The following FGF14 variants were observed in gnomAD, a reference collection of about 807,000 sequenced individuals.
The protein encoded by FGF14 is fibroblast growth factor homologous factor 4.
FGF14 carries 5 observed loss-of-function variants against 25.5 expected under a neutral mutation model. That is an observed-to-expected ratio of 0.20 (90% CI 0.10 to 0.41). FGF14 has a LOEUF of 0.41. FGF14 is among the 10% of genes least tolerant of loss of function. The pLI, the probability that FGF14 is intolerant of heterozygous loss-of-function variation, is 1.00. For missense variants in FGF14, 222 were observed against 320.1 expected (o/e 0.69, Z 2.34); for synonymous variants, 138 against 118.3 (o/e 1.17, Z -1.08).
chr13:102,221,623 A>AACAC lies in FGF14; in HGVS notation c.208+179844_208+179847dup, dbSNP rs34205303. Among the ~76,000 whole-genome samples, 1,246 of 150,090 alleles carry AACAC rather than the reference A, an allele frequency of 8.3e-3. 15 individuals carry two copies. The highest frequency in any genetic ancestry group is 0.059 in the South Asian group (280 of 4,738). Reference sequence around the variant, plus strand: ...ATGAATGACATCACACAAACACACAAACACACACACACACACACACACAGA... The same window carrying AACAC: ...ATGAATGACATCACACAAACACACAAACACACACACACACACACACACACACAGA... On this transcript the variant is annotated intron_variant, in intron 1 of 4. Coordinates refer to the FGF14 transcript ENST00000376131.
intron 3 of FGF14, among the ~76,000 whole-genome samples, chr13:101,780,184 A>C (rs1264865785): frequency 2.6e-5 from 4 of 152,188 alleles, no homozygotes; most frequent in African/African-American, 9.7e-5. Context: ...ATAATTATTA[A>C]TAAGGTTCCC....
intron 1 of FGF14, among the ~76,000 whole-genome samples, chr13:102,099,719 CTATT>C (rs1370238096): frequency 6.6e-6 from 1 of 151,832 alleles, no homozygotes; most frequent in Admixed American, 6.6e-5. Context: ...ATAAGATGCA[CTATT>C]TATTATTAAA....
intron 1 of FGF14, among the ~76,000 whole-genome samples, chr13:102,243,680 C>G (rs1291575611): frequency 7.3e-6 from 1 of 136,560 alleles, no homozygotes; most frequent in South Asian, 2.3e-4. Context: ...TTACATTTCT[C>G]TGGCCCTCGA....
chr13:102,380,367 A>G (rs1482736569), intron 1 of FGF14, among the ~76,000 whole-genome samples: 1 of 152,138 alleles, frequency 6.6e-6, no homozygotes, highest in Non-Finnish European at 1.5e-5. Context: ...AATTATATCT[A>G]GCAACTTAAA....
chr13:102,393,265 C>G (rs1029661119), intron 1 of FGF14, among the ~76,000 whole-genome samples: 35 of 152,302 alleles, frequency 2.3e-4, no homozygotes, highest in African/African-American at 6.5e-4. Context: ...TTTTGTCTTT[C>G]CTGCTAATTC....
chr13:102,396,331 G>C (rs981124866), intron 1 of FGF14, among the ~76,000 whole-genome samples: 34 of 152,194 alleles, frequency 2.2e-4, no homozygotes, highest in African/African-American at 7.7e-4. Flanking sequence ...CTGTTAGACT[G>C]TTCAAACAGC....
intron 1 of FGF14, among the ~76,000 whole-genome samples, chr13:102,347,065 C>T (rs1022880313): frequency 5.9e-5 from 9 of 152,016 alleles, no homozygotes; most frequent in African/African-American, 2.2e-4. Context: ...GCTAAGGAAC[C>T]GAGCAGAGCC....
chr13:102,036,934 G>A (rs1171757435), intron 1 of FGF14, among the ~76,000 whole-genome samples: 1 of 152,108 alleles, frequency 6.6e-6, no homozygotes, highest in African/African-American at 2.4e-5. Flanking sequence ...TTCCTGCTTG[G>A]CAATCACAAA....
intron 1 of FGF14, among the ~76,000 whole-genome samples, chr13:102,392,606 G>A (rs1271304666): frequency 6.6e-6 from 1 of 152,178 alleles, no homozygotes; most frequent in Non-Finnish European, 1.5e-5. Context: ...TCAGAAGACA[G>A]CCAACCATGT....
chr13:102,120,771 T>A (rs2045686941), intron 1 of FGF14, among the ~76,000 whole-genome samples: 1 of 151,224 alleles, frequency 6.6e-6, no homozygotes, highest in Non-Finnish European at 1.5e-5. Flanking sequence ...TGACACGATC[T>A]CAGCTCACTG....
chr13:101,873,937 AAG>A (rs1487055927), intron 2 of FGF14, among the ~76,000 whole-genome samples: 2 of 152,212 alleles, frequency 1.3e-5, no homozygotes, highest in Non-Finnish European at 2.9e-5. Flanking sequence ...ATGAGACACA[AAG>A]AGAGTAAAGA....
chr13:101,838,589 T>A (rs1360425573), intron 3 of FGF14, among the ~76,000 whole-genome samples: 1 of 152,064 alleles, frequency 6.6e-6, no homozygotes, highest in Non-Finnish European at 1.5e-5. Flanking sequence ...CTAAAGTAAA[T>A]GTACTTTTTA....
At chr13:101,765,768 C>A (rs1029075512) in intron 3 of FGF14, among the ~76,000 whole-genome samples, 1 of 151,052 alleles carries the variant, frequency 6.6e-6, no homozygotes. Flanking sequence ...TCGCTTTTGT[C>A]GCCCAGGCTG....
chr13:101,953,735 C>T (rs2139409299), intron 1 of FGF14, among the ~76,000 whole-genome samples: 1 of 151,872 alleles, frequency 6.6e-6, no homozygotes, highest in East Asian at 1.9e-4. Flanking sequence ...GGATTACAGG[C>T]ACGTGCCAAC....
chr13:102,057,917 C>A (rs535610045), intron 1 of FGF14, among the ~76,000 whole-genome samples: 2 of 152,296 alleles, frequency 1.3e-5, no homozygotes, highest in East Asian at 3.9e-4. Context: ...CATCACTAAG[C>A]ATACTTTGTT....
chr13:102,214,917 A>G (rs935398471), intron 1 of FGF14, among the ~76,000 whole-genome samples: 1 of 152,150 alleles, frequency 6.6e-6, no homozygotes, highest in Admixed American at 6.6e-5. Context: ...AGTTGCTCAT[A>G]TTTGGTATGG....
At chr13:102,282,713 C>G (rs1443273838) in intron 1 of FGF14, among the ~76,000 whole-genome samples, 1 of 152,012 alleles carries the variant, frequency 6.6e-6, no homozygotes, top group Non-Finnish European at 1.5e-5. Context: ...TTTTTGTAAT[C>G]GAATAAATAT....
intron 3 of FGF14, among the ~76,000 whole-genome samples, chr13:101,744,161 C>T (rs972019082): frequency 6.6e-6 from 1 of 152,006 alleles, no homozygotes; most frequent in Non-Finnish European, 1.5e-5. Context: ...AAACTTCTGC[C>T]TTTATGCTTT....
chr13:101,723,035 A>G, intron 4 of FGF14, 68 bp from the exon 5 acceptor site: 5 of 1,584,532 alleles, frequency 3.2e-6, no homozygotes, highest in Non-Finnish European at 4.3e-6. Context: ...TGGTCCATCC[A>G]TACCTGCATA....
Sources: gnomAD v4.1 joint callset for allele counts (sites outside exome capture counted in the v4.1 genomes callset) on GRCh38, gnomAD v4.1.1 for gene constraint, MANE v1.5 for transcripts, NCBI Gene and HGNC (gene_info 2026-07-23, HGNC 2026-07-21) for gene names.